The following FRYL variants were observed in gnomAD, a reference collection of about 807,000 sequenced individuals.
The protein encoded by FRYL is protein furry homolog-like.
Under a neutral mutation model 351.2 loss-of-function variants are expected in FRYL, and 150 were observed. The observed-to-expected ratio is 0.43, with a 90% CI of 0.37 to 0.49. The LOEUF (loss-of-function observed/expected upper bound fraction) is 0.49. FRYL is among the 20% of genes least tolerant of loss of function. FRYL has a pLI of 0.00. For missense variants in FRYL, 3,036 were observed against 3,619.3 expected, an observed-to-expected ratio of 0.84 and a Z score of 4.13; for synonymous variants, 1,153 against 1,257.1, an observed-to-expected ratio of 0.92 and a Z score of 1.75.
At chr4:48,776,729 T>C (rs1776064479) in intron 1 of FRYL, among the ~76,000 whole-genome samples, 1 of 152,200 alleles carries the variant, frequency 6.6e-6, no homozygotes, top group South Asian at 2.1e-4. Context: ...GTAACAATAG[T>C]TGAAATTCAG....
At chr4:48,608,399 C>T (rs1747310964) in intron 9 of FRYL, among the ~76,000 whole-genome samples, 1 of 151,998 alleles carries the variant, frequency 6.6e-6, no homozygotes, top group Non-Finnish European at 1.5e-5. Context: ...AAAGGAAATC[C>T]AAAATCTTCC....
intron 13 of FRYL, 145 bp from the exon 14 acceptor site, chr4:48,596,145 G>A (rs1744539717): frequency 1.8e-6 from 1 of 553,530 alleles, no homozygotes; most frequent in Non-Finnish European, 3.1e-6. Flanking sequence ...TTTGGTATAG[G>A]GTAAATATAT....
chr4:48,523,238 C>A, intron 53 of FRYL, 134 bp from the exon 54 acceptor site: 1 of 608,694 alleles, frequency 1.6e-6, no homozygotes, highest in Non-Finnish European at 2.9e-6. Context: ...TCAATCAGCC[C>A]TTCAATTTCT....
intron 41 of FRYL, 83 bp from the exon 42 acceptor site, chr4:48,546,354 G>T: frequency 9.6e-7 from 1 of 1,039,912 alleles, no homozygotes; most frequent in Non-Finnish European, 1.4e-6. Context: ...TTGTTCCTTA[G>T]ACTCTATGGG....
At chr4:48,585,077 A>G (rs1741804133) in intron 19 of FRYL, among the ~76,000 whole-genome samples, 1 of 152,138 alleles carries the variant, frequency 6.6e-6, no homozygotes. Context: ...TGGGAGATCT[A>G]CTCTTGTGGA....
intron 43 of FRYL, 100 bp downstream of exon 43, chr4:48,544,683 G>T: frequency 1.1e-6 from 1 of 899,878 alleles, no homozygotes; most frequent in Non-Finnish European, 1.6e-6. Flanking sequence ...AAAACTTTTA[G>T]AGGTATCACA....
chr4:48,774,110 G>C (rs552802210), intron 1 of FRYL, among the ~76,000 whole-genome samples: 8 of 152,044 alleles, frequency 5.3e-5, no homozygotes, highest in Non-Finnish European at 1.2e-4. Flanking sequence ...TAGAAACAAA[G>C]AATATGGATC....
rs199601290 is a variant in FRYL, at chr4:48,573,201, G to A, written c.2889C>T (p.Leu963=). 9.9e-6 allele frequency: 16 copies of A among 1,612,198 alleles called. No individual in the cohort carries two copies. The highest frequency in any genetic ancestry group is 1.7e-5 in the Admixed American group (1 of 59,944). The change falls in exon 26 of 64, where the codon CTC becomes CTT. Residue 963 remains leucine (L), a synonymous_variant. Transcript: ENST00000358350. ...EELHPIIKEA[L]ERRPENMKRR... ...CACAGCTCACCTCTGGCCTTCTTTC[G>A]AGTGCTTCTTTAATTATGGGATGTA...
rs755838499 is a variant in FRYL at position 48,582,608 on chromosome 4, T to C, written c.1875A>G (p.Glu625=). Residue 625 remains glutamate (E), a synonymous_variant, in exon 20 of 64, where the codon GAA becomes GAG. Transcript: ENST00000358350. ...GAAGTGTGGGATGGACATCAGTCAC[T>C]TCACGAACAATAAAATAAACAAATC... ...LSGFVYFIVR[E]VTDVHPTLLD... 1.9e-6 allele frequency: 3 copies of C among 1,613,908 alleles called. No individual in the cohort carries two copies. Among genetic ancestry groups the C allele is most frequent in the Non-Finnish European group, 2.5e-6 (3 of 1,179,938 alleles).
chr4:48,775,641 ATT>A (rs1157678327), intron 1 of FRYL, among the ~76,000 whole-genome samples: 1 of 152,158 alleles, frequency 6.6e-6, no homozygotes, highest in East Asian at 1.9e-4. Flanking sequence ...ACAAATCTAC[ATT>A]TCTCCTTGGG....
intron 7 of FRYL, among the ~76,000 whole-genome samples, chr4:48,611,552 A>G (rs1309147330): frequency 6.6e-6 from 1 of 151,974 alleles, no homozygotes; most frequent in East Asian, 1.9e-4. Flanking sequence ...AAGCTTAATA[A>G]TAAGTTCTCA....
chr4:48,573,472 T>C (rs1185679449), intron 25 of FRYL, among the ~76,000 whole-genome samples: 3 of 152,226 alleles, frequency 2.0e-5, no homozygotes, highest in Admixed American at 2.0e-4. Flanking sequence ...ATAGAGGGAA[T>C]ACTACCAATA....
intron 13 of FRYL, among the ~76,000 whole-genome samples, chr4:48,600,881 G>A (rs980351283): frequency 1.1e-4 from 16 of 152,026 alleles, no homozygotes; most frequent in Non-Finnish European, 1.6e-4. Context: ...TTGGTCCTGG[G>A]AATTTTCATA....
Position 48,515,252 on chromosome 4 carries a change from C to G in FRYL, c.7713G>C (p.Glu2571Asp). The G allele has an allele frequency of 6.2e-7, 1 of 1,609,244 alleles. No individual in the cohort carries two copies. Among genetic ancestry groups the G allele is most frequent in the Non-Finnish European group, 8.5e-7 (1 of 1,176,132 alleles). The change falls in exon 56 of 64, where the codon GAG becomes GAC. Residue 2571 changes from glutamate (E) to aspartate (D), a missense_variant. This residue lies in a region of FRYL where 1,987 missense variants were observed against 2,311.7 expected (regional missense o/e 0.86). Transcript: ENST00000358350. ...LPEDTTSVLK[E>D]EHVTTFEDEG... Reference sequence around the variant, plus strand: ...CATCTTCAAAGGTTGTAACATGTTCCTCCTTTAATACTGAAGTTGTATCCT... The same window carrying G: ...CATCTTCAAAGGTTGTAACATGTTCGTCCTTTAATACTGAAGTTGTATCCT...
At chr4:48,648,858 C>A (rs1214097469) in intron 3 of FRYL, among the ~76,000 whole-genome samples, 2 of 152,034 alleles carry the variant, frequency 1.3e-5, no homozygotes, top group Non-Finnish European at 2.9e-5. Flanking sequence ...TATGAGGTTT[C>A]TTTTTTAGAT....
At chr4:48,614,815 CTTTTTTT>C (rs369399363) in intron 7 of FRYL, among the ~76,000 whole-genome samples, 1 of 67,930 alleles carries the variant, frequency 1.5e-5, no homozygotes, top group African/African-American at 6.0e-5. Flanking sequence ...AAGTTTAATG[CTTTTTTT>C]TTTTTTTTTT....
chr4:48,769,745 A>G (rs181261573), intron 1 of FRYL, among the ~76,000 whole-genome samples: 29 of 152,354 alleles, frequency 1.9e-4, no homozygotes, highest in African/African-American at 6.3e-4. Flanking sequence ...CTACTCAGCA[A>G]TAAGAAGAAA....
chr4:48,777,116 G>A (rs1333060296), intron 1 of FRYL, among the ~76,000 whole-genome samples: 1 of 151,768 alleles, frequency 6.6e-6, no homozygotes, highest in Non-Finnish European at 1.5e-5. Context: ...CTCTGTCATC[G>A]GTTTCTACTT....
At chr4:48,559,557 G>A (rs1300295848) in intron 33 of FRYL, among the ~76,000 whole-genome samples, 1 of 90,880 alleles carries the variant, frequency 1.1e-5, no homozygotes, top group African/African-American at 4.3e-5. Flanking sequence ...AAAAAGCCAG[G>A]TGTGGTGCCG....
Sources: gnomAD v4.1 joint callset for allele counts (sites outside exome capture counted in the v4.1 genomes callset) on GRCh38, gnomAD v4.1.1 for gene constraint, gnomAD v4.1.1 regional missense constraint, MANE v1.5 for transcripts, NCBI Gene and HGNC (gene_info 2026-07-23, HGNC 2026-07-21) for gene names.